Variants in KMT5B observed in about 807,000 individuals in gnomAD.
KMT5B encodes lysine methyltransferase 5B.
In KMT5B, 10 loss-of-function variants were observed where a neutral mutation model predicts 83.2. That is an observed-to-expected ratio of 0.12 (90% CI 0.07 to 0.20). The LOEUF (loss-of-function observed/expected upper bound fraction) is 0.20. Ranked by LOEUF, KMT5B falls within the 10% of genes least tolerant of loss-of-function variation. The probability of loss-of-function intolerance (pLI) is 1.00; values close to 1 mark genes in which losing one functional copy is unlikely to be tolerated. For missense variants in KMT5B, 753 were observed against 1,067.2 expected, an observed-to-expected ratio of 0.71 and a Z score of 4.10; for synonymous variants, 349 against 388.8, an observed-to-expected ratio of 0.90 and a Z score of 1.20.
intron 2 of KMT5B, among the ~76,000 whole-genome samples, chr11:68,187,738 G>C (rs11228156): frequency 2.0e-5 from 3 of 152,196 alleles, no homozygotes; most frequent in Admixed American, 2.0e-4. Context: ...GCGTATCAAA[G>C]TCTCCAAATT....
intron 9 of KMT5B, among the ~76,000 whole-genome samples, chr11:68,167,807 T>C (rs1487209063): frequency 6.6e-6 from 1 of 152,156 alleles, no homozygotes; most frequent in Non-Finnish European, 1.5e-5. Flanking sequence ...GAGCAAATCA[T>C]GGTCCCACTA....
chr11:68,206,298 T>C (rs1427230424), intron 1 of KMT5B, among the ~76,000 whole-genome samples: 1 of 152,240 alleles, frequency 6.6e-6, no homozygotes, highest in Non-Finnish European at 1.5e-5. Context: ...TTCACGGTTC[T>C]AGAAACAGAT....
rs1211800170 is a variant in KMT5B, at chr11:68,158,629, G to A, written c.1717C>T (p.Pro573Ser). 6.2e-7 allele frequency: 1 copy of A among 1,613,978 alleles called. No homozygotes were observed. Among genetic ancestry groups the A allele is most frequent in the African/African-American group, 1.3e-5 (1 of 74,878 alleles). Residue 573 changes from proline (P) to serine (S), a missense_variant, in exon 11 of 11, where the codon CCC becomes TCC. Pro to Ser is a moderately conservative substitution (Grantham distance 74, BLOSUM62 -1). Around this residue, in one of 9 missense-constraint regions of KMT5B, gnomAD observed 397 missense variants for 395.9 expected, o/e 1.00. Coordinates refer to ENST00000304363, the MANE Select transcript of KMT5B (RefSeq NM_017635.5). ...GGCTGCAGCTGTTCACCACTGTCGG[G>A]GCAAGGTTCCGTCACACTGCTTTTA... ...GYKSSVTEPC[P>S]DSGEQLQPAP...
At position 68,185,944 on chromosome 11, in the gene KMT5B, G is replaced by C; in HGVS notation, c.161-16C>G. On this transcript the variant is annotated splice_polypyrimidine_tract_variant and intron_variant, in intron 2 of 10. Coordinates refer to ENST00000304363, the MANE Select transcript of KMT5B (RefSeq NM_017635.5). ...TTACCATTACCTGTGAAAAGCAAAA[G>C]CAAGAAAAATTACTCAAATTGAAAA... is the stretch of plus-strand genomic sequence containing the variant. The C allele has an allele frequency of 6.4e-7, 1 of 1,561,318 alleles. No homozygotes were observed. Among genetic ancestry groups the C allele is most frequent in the Non-Finnish European group, 8.7e-7 (1 of 1,151,038 alleles).
chr11:68,159,267 G>A, intron 10 of KMT5B, 96 bp from the exon 11 acceptor site: 1 of 1,465,702 alleles, frequency 6.8e-7, no homozygotes, highest in Non-Finnish European at 8.9e-7. Context: ...AGCACGTTTA[G>A]ATTACACAAA....
intron 10 of KMT5B, among the ~76,000 whole-genome samples, chr11:68,165,507 G>GA (rs58446155): frequency 0.03 from 4,015 of 132,990 alleles, 59 homozygotes; most frequent in Middle Eastern, 0.055. Context: ...CGTCTCAAAA[G>GA]AAAAAAAAAA....
chr11:68,172,396 AT>A lies in KMT5B; in HGVS notation c.654-688del, dbSNP rs34325630. On this transcript the variant is annotated intron_variant, in intron 6 of 10. Transcript: ENST00000304363. ...AGGTGTGTGCCACCACACCTAGCTCATTTTTTTTTTTTGTATTTTTACTAGA... is the reference window on the plus strand; with the variant it reads ...AGGTGTGTGCCACCACACCTAGCTCATTTTTTTTTTTGTATTTTTACTAGA... Among the ~76,000 whole-genome samples, 1,378 of 142,364 alleles carry A rather than the reference AT, an allele frequency of 9.7e-3. 14 individuals are homozygous for A. Among genetic ancestry groups the A allele is most frequent in the African/African-American group, 0.03 (1,170 of 38,914 alleles). 93.4% of individuals were successfully genotyped at this position (142,364 alleles called of 152,430 possible).
In KMT5B at chr11:68,158,727, C is replaced by T. The variant is rs565603169; in HGVS notation, c.1619G>A (p.Arg540Gln). The change falls in exon 11 of 11, where the codon CGG (arginine) becomes CAG (glutamine). Residue 540 changes from arginine (R) to glutamine (Q), a missense_variant. Transcript: ENST00000304363. ...ESSPCTYITRRSVRTRTNLKE... is the reference protein window; with the variant it reads ...ESSPCTYITRQSVRTRTNLKE... ...CAGATTTGTTCTTGTCCTCACTGAC[C>T]GCCGAGTTATGTAGGTGCAGGGCGA... 1.6e-4 allele frequency: 252 copies of T among 1,613,990 alleles called. No homozygotes were observed. The highest frequency in any genetic ancestry group is 2.0e-4 in the African/African-American group (15 of 74,958).
At chr11:68,165,936 T>C in intron 10 of KMT5B, 1 of 1,612,926 alleles carries the variant, frequency 6.2e-7, no homozygotes, top group Middle Eastern at 1.7e-4. Flanking sequence ...CCTTCCCTTT[T>C]CTTCAGGATT....
intron 2 of KMT5B, among the ~76,000 whole-genome samples, chr11:68,188,047 T>TG (rs1857612306): frequency 1.3e-5 from 2 of 149,594 alleles, no homozygotes; most frequent in African/African-American, 4.9e-5. Flanking sequence ...TTTTTTGAGA[T>TG]GGAGTCTCGC....
At chr11:68,189,192 G>A (rs927183069) in intron 2 of KMT5B, among the ~76,000 whole-genome samples, 3 of 152,194 alleles carry the variant, frequency 2.0e-5, no homozygotes, top group African/African-American at 7.2e-5. Context: ...AGAAAAAGAA[G>A]AAAAGCTGTC....
chr11:68,166,469 A>G, intron 10 of KMT5B: 1 of 1,000,836 alleles, frequency 1.0e-6, no homozygotes, highest in African/African-American at 1.7e-5. Context: ...CACAATTCTG[A>G]GTCTGGTACT....
At chr11:68,190,204 G>T in intron 1 of KMT5B, 52 bp from the exon 2 acceptor site, 1 of 779,108 alleles carries the variant, frequency 1.3e-6, no homozygotes. Context: ...ATAAATACAT[G>T]AAAGATCATG....
At chr11:68,201,179 C>CCACCACCACCAG (rs1187080545) in intron 1 of KMT5B, among the ~76,000 whole-genome samples, 1 of 152,142 alleles carries the variant, frequency 6.6e-6, no homozygotes, top group East Asian at 1.9e-4. Flanking sequence ...AGCGCGACAC[C>CCACCACCACCAG]CACCACCACC....
At chr11:68,204,636 GAC>G (rs1305428062) in intron 1 of KMT5B, among the ~76,000 whole-genome samples, 2 of 22,748 alleles carry the variant, frequency 8.8e-5, no homozygotes, top group Admixed American at 4.8e-4. Flanking sequence ...TTTTTTTTTT[GAC>G]ACAGAGTCTC....
At chr11:68,209,904 T>C (rs1435934139) in intron 1 of KMT5B, among the ~76,000 whole-genome samples, 1 of 151,458 alleles carries the variant, frequency 6.6e-6, no homozygotes, top group Non-Finnish European at 1.5e-5. Context: ...TCTTGCTCTG[T>C]CGCCCAGGCT....
chr11:68,167,318 G>A (rs1387971283), intron 9 of KMT5B, 140 bp from the exon 10 acceptor site: 1 of 940,090 alleles, frequency 1.1e-6, no homozygotes, highest in African/African-American at 1.7e-5. Context: ...CCGAAGACTA[G>A]AACTCACAAA....
rs1859219859 is a variant in KMT5B at position 68,155,375 on chromosome 11, A to C, written c.*2313T>G. On this transcript the variant is annotated 3_prime_UTR_variant, in exon 11 of 11. Coordinates refer to ENST00000304363, the MANE Select transcript of KMT5B (RefSeq NM_017635.5). ...CTGAGAGGCAGTGATTTACTACCAAATGTCACTGCTTTGAGACCCATGGGA... is the reference window on the plus strand; with the variant it reads ...CTGAGAGGCAGTGATTTACTACCAACTGTCACTGCTTTGAGACCCATGGGA... 6.6e-6 allele frequency: 1 copy of C among 152,072 alleles called. No homozygotes were observed. Among genetic ancestry groups the C allele is most frequent in the African/African-American group, 2.4e-5 (1 of 41,412 alleles). The allele number at this position is 152,072 out of a possible 1,614,324, so 9.4% of individuals were successfully genotyped here.
In KMT5B at chr11:68,206,376, A is replaced by T. The variant is rs142137788; in HGVS notation, c.-77+6762T>A. ...CACAGTTTCTGTCAGAAGTTACAAG[A>T]AGTACATCAAAGATTTTTACTGGGC... On this transcript the variant is annotated intron_variant, in intron 1 of 10. Coordinates refer to ENST00000304363, the MANE Select transcript of KMT5B (RefSeq NM_017635.5). 6.3e-3 allele frequency among the ~76,000 whole-genome samples: 965 copies of T among 152,304 alleles called. 11 individuals carry two copies. Among genetic ancestry groups the T allele is most frequent in the African/African-American group, 0.022 (919 of 41,582 alleles).
Sources: gnomAD v4.1 joint callset for allele counts (sites outside exome capture counted in the v4.1 genomes callset) on GRCh38, gnomAD v4.1.1 for gene constraint, gnomAD v4.1.1 regional missense constraint, MANE v1.5 for transcripts, NCBI Gene and HGNC (gene_info 2026-07-23, HGNC 2026-07-21) for gene names.